Variants in GOLGA4 observed in about 807,000 individuals in gnomAD.
The protein encoded by GOLGA4 is golgin A4, also known as golgin subfamily A member 4.
GOLGA4 carries 169 observed loss-of-function variants against 265.9 expected under a neutral mutation model. The ratio of observed to expected loss-of-function variants is 0.64; its 90% CI spans 0.56 to 0.72. The LOEUF (loss-of-function observed/expected upper bound fraction) is 0.72, where lower values mean the gene tolerates loss of function less well. Ranked by LOEUF, GOLGA4 falls within the 30% of genes least tolerant of loss-of-function variation. GOLGA4 has a pLI of 0.00. For missense variants in GOLGA4, 2,482 were observed against 2,483.4 expected (o/e 1.00, Z 0.01); for synonymous variants, 923 against 855.8 (o/e 1.08, Z -1.37).
intron 1 of GOLGA4, chr3:37,250,520 A>G (rs1023978656): frequency 3.9e-5 from 6 of 152,206 alleles, no homozygotes; most frequent in African/African-American, 1.4e-4. Context: ...GATACCACAG[A>G]CCAGAGTTCC....
chr3:37,253,342 A>G (rs1278665037), intron 2 of GOLGA4, among the ~76,000 whole-genome samples: 1 of 152,120 alleles, frequency 6.6e-6, no homozygotes, highest in East Asian at 1.9e-4. Context: ...CGCATAGGGT[A>G]CAGGGAAATG....
intron 9 of GOLGA4, 135 bp from the exon 10 acceptor site, chr3:37,302,050 A>G (rs2096894362): frequency 2.8e-6 from 2 of 715,190 alleles, no homozygotes; most frequent in African/African-American, 1.8e-5. Context: ...TGGCCTCCCA[A>G]AGTGCTGGGA....
intron 20 of GOLGA4, chr3:37,341,725 A>G (rs558171353): frequency 1.3e-5 from 2 of 152,292 alleles, no homozygotes; most frequent in East Asian, 3.9e-4. Context: ...CCTGGTTACT[A>G]CTTGGATGGG....
chr3:37,301,989 A>C (rs112543591), intron 9 of GOLGA4, among the ~76,000 whole-genome samples, 196 bp from the exon 10 acceptor site: 1 of 152,098 alleles, frequency 6.6e-6, no homozygotes, highest in Non-Finnish European at 1.5e-5. Flanking sequence ...GGGTTTCGCC[A>C]TGTTGGCCAG....
At chr3:37,295,721 G>GT (rs1303742710) in intron 6 of GOLGA4, among the ~76,000 whole-genome samples, 4 of 152,186 alleles carry the variant, frequency 2.6e-5, no homozygotes, top group Admixed American at 2.6e-4. Flanking sequence ...ACATTGATGT[G>GT]TTTTTGTATG....
chr3:37,268,786 G>A (rs1036397465), intron 2 of GOLGA4, among the ~76,000 whole-genome samples: 1 of 152,102 alleles, frequency 6.6e-6, no homozygotes, highest in Non-Finnish European at 1.5e-5. Flanking sequence ...TGGCCAGGCT[G>A]GTCTGGAACT....
intron 2 of GOLGA4, among the ~76,000 whole-genome samples, chr3:37,259,393 C>G (rs1283491024): frequency 6.6e-6 from 1 of 152,210 alleles, no homozygotes; most frequent in African/African-American, 2.4e-5. Context: ...CTCAGGCAGT[C>G]ACAGCAGTCA....
chr3:37,340,417 C>T (rs754444639), intron 20 of GOLGA4, among the ~76,000 whole-genome samples: 5 of 152,062 alleles, frequency 3.3e-5, no homozygotes, highest in Non-Finnish European at 7.4e-5. Flanking sequence ...AAGTGCATTA[C>T]CTGACATACT....
intron 19 of GOLGA4, among the ~76,000 whole-genome samples, chr3:37,338,857 T>G (rs1399738623): frequency 6.6e-6 from 1 of 151,118 alleles, no homozygotes; most frequent in African/African-American, 2.4e-5. Context: ...CCTTTTATGT[T>G]AGGCTTTTTT....
intron 21 of GOLGA4, among the ~76,000 whole-genome samples, chr3:37,353,291 A>G (rs2097080461): frequency 6.6e-6 from 1 of 152,098 alleles, no homozygotes; most frequent in Non-Finnish European, 1.5e-5. Flanking sequence ...AATGGCACCA[A>G]TAGACTTGCT....
intron 21 of GOLGA4, among the ~76,000 whole-genome samples, chr3:37,352,752 A>G (rs892166515): frequency 6.6e-6 from 1 of 152,014 alleles, no homozygotes; most frequent in Non-Finnish European, 1.5e-5. Context: ...CCAAACTTCT[A>G]TCCAGACCAC....
chr3:37,245,379 A>G (rs1278609584), intron 1 of GOLGA4: 2 of 152,452 alleles, frequency 1.3e-5, no homozygotes, highest in East Asian at 1.9e-4. Context: ...TCAGAAAAGT[A>G]TTAACACAGA....
chr3:37,322,263 T>G (rs1465572458), intron 13 of GOLGA4, among the ~76,000 whole-genome samples: 1 of 152,204 alleles, frequency 6.6e-6, no homozygotes, highest in Admixed American at 6.5e-5. Flanking sequence ...GTCCTGAACG[T>G]AATCCAGCCT....
At chr3:37,275,853 G>C in intron 2 of GOLGA4, 14 of 1,613,746 alleles carry the variant, frequency 8.7e-6, no homozygotes, top group Non-Finnish European at 1.2e-5. Context: ...AATGCTATTC[G>C]CAAGCAGAGT....
intron 2 of GOLGA4, chr3:37,275,606 G>A (rs994478969): frequency 1.9e-5 from 28 of 1,470,770 alleles, no homozygotes; most frequent in African/African-American, 6.9e-5. Flanking sequence ...GCTGCGCGCC[G>A]GGGGTCGCTC....
Position 37,326,960 on chromosome 3 carries a change from G to A in GOLGA4, c.5074G>A (p.Glu1692Lys). Reference sequence around the variant, plus strand: ...AAGAGAAAGGGAAGTTCACATCTTGGAAGAAAAACTTAAGTCAGTGGAAAG... The same window carrying A: ...AAGAGAAAGGGAAGTTCACATCTTGAAAGAAAAACTTAAGTCAGTGGAAAG... The part of the protein sequence containing the change: ...QEREREVHIL[E>K]EKLKSVESSQ... The change falls in exon 14 of 24, where the codon GAA (glutamate) becomes AAA (lysine). Residue 1692 changes from glutamate to lysine, a missense_variant. Around this residue, in one of 3 missense-constraint regions of GOLGA4, gnomAD observed 942 missense variants for 983.1 expected, o/e 0.96. Coordinates refer to ENST00000361924, the MANE Select transcript of GOLGA4 (RefSeq NM_002078.5). 1.2e-6 allele frequency: 2 copies of A among 1,613,864 alleles called. No homozygotes were observed. Among genetic ancestry groups the A allele is most frequent in the Non-Finnish European group, 1.7e-6 (2 of 1,179,812 alleles).
At chr3:37,252,877 G>A (rs948738032) in intron 2 of GOLGA4, among the ~76,000 whole-genome samples, 2 of 151,870 alleles carry the variant, frequency 1.3e-5, no homozygotes, top group Non-Finnish European at 2.9e-5. Flanking sequence ...GGAGTTTTTT[G>A]TTGAATATAT....
chr3:37,363,297 TA>T (rs1696478738), intron 23 of GOLGA4, among the ~76,000 whole-genome samples: 1 of 152,238 alleles, frequency 6.6e-6, no homozygotes, highest in South Asian at 2.1e-4. Flanking sequence ...GCTAACCCAT[TA>T]AGTCTTAATG....
intron 7 of GOLGA4, among the ~76,000 whole-genome samples, chr3:37,297,339 A>G (rs1407147840): frequency 1.3e-5 from 2 of 152,158 alleles, no homozygotes; most frequent in Non-Finnish European, 2.9e-5. Context: ...CCAGTCCCGA[A>G]ATTCCCAGAC....
Sources: allele counts gnomAD v4.1 joint callset (sites outside exome capture counted in the v4.1 genomes callset), GRCh38; gene constraint gnomAD v4.1.1; regional missense constraint gnomAD v4.1.1; transcripts MANE v1.5; gene names NCBI Gene and HGNC (gene_info 2026-07-23, HGNC 2026-07-21).